Variants in KIAA1549L observed in about 807,000 individuals in gnomAD.
KIAA1549L encodes UPF0606 protein KIAA1549L.
A neutral mutation model predicts 160.7 loss-of-function variants in KIAA1549L; 88 were observed. The observed-to-expected ratio is 0.55, with a 90% CI of 0.46 to 0.65. The LOEUF is 0.65. Among genes scored for constraint, KIAA1549L ranks in the 30% least tolerant of loss-of-function variants. KIAA1549L has a pLI of 0.00. For missense variants in KIAA1549L, 2,258 were observed against 2,437.5 expected (o/e 0.93, Z 1.55); for synonymous variants, 950 against 976.7 (o/e 0.97, Z 0.51).
chr11:33,608,980 A>T (rs533196754), intron 14 of KIAA1549L, among the ~76,000 whole-genome samples: 1 of 152,268 alleles, frequency 6.6e-6, no homozygotes, highest in Non-Finnish European at 1.5e-5. Flanking sequence ...TTAAGAAAGC[A>T]TAATAAAAAC....
At chr11:33,658,627 T>G in intron 18 of KIAA1549L, 123 bp from the exon 19 acceptor site, 1 of 938,224 alleles carries the variant, frequency 1.1e-6, no homozygotes, top group Non-Finnish European at 1.6e-6. Context: ...AATCCAGTCC[T>G]GGGGACCTCA....
chr11:33,609,666 G>A (rs1850595255), intron 14 of KIAA1549L, 83 bp from the exon 15 acceptor site: 1 of 1,124,832 alleles, frequency 8.9e-7, no homozygotes, highest in South Asian at 1.4e-5. Flanking sequence ...GGCTTTTTTA[G>A]AAGTGATAAC....
intron 1 of KIAA1549L, among the ~76,000 whole-genome samples, chr11:33,382,900 G>A (rs1181721076): frequency 1.3e-5 from 2 of 152,070 alleles, no homozygotes; most frequent in Non-Finnish European, 2.9e-5. Flanking sequence ...GCATTTGGGG[G>A]TTCAGGGAGA....
intron 10 of KIAA1549L, among the ~76,000 whole-genome samples, chr11:33,580,723 G>C (rs1855612979): frequency 6.6e-6 from 1 of 152,176 alleles, no homozygotes; most frequent in Admixed American, 6.5e-5. Flanking sequence ...TCTGGGCACT[G>C]GAGATAGAGC....
intron 12 of KIAA1549L, among the ~76,000 whole-genome samples, chr11:33,594,153 A>G (rs534037048): frequency 2.0e-5 from 3 of 152,284 alleles, no homozygotes; most frequent in East Asian, 1.9e-4. Context: ...ATCAAGCAAC[A>G]AGACTGCATA....
At chr11:33,594,274 C>T (rs781462387) in intron 12 of KIAA1549L, among the ~76,000 whole-genome samples, 4 of 152,022 alleles carry the variant, frequency 2.6e-5, no homozygotes, top group Non-Finnish European at 5.9e-5. Flanking sequence ...TGCTCCATAA[C>T]AAAGCACTCC....
chr11:33,584,391 G>A (rs983755705), intron 11 of KIAA1549L, among the ~76,000 whole-genome samples: 19 of 152,088 alleles, frequency 1.2e-4, no homozygotes, highest in African/African-American at 3.4e-4. Flanking sequence ...GAAAACCCCC[G>A]TTCAGTGGCT....
chr11:33,440,917 T>G (rs1023501728), intron 1 of KIAA1549L, among the ~76,000 whole-genome samples: 7 of 146,680 alleles, frequency 4.8e-5, no homozygotes, highest in African/African-American at 1.8e-4. Flanking sequence ...AGTTCTTTTC[T>G]TTTTTTTTTA....
chr11:33,616,050 A>G (rs1209638462), intron 15 of KIAA1549L, among the ~76,000 whole-genome samples: 2 of 152,222 alleles, frequency 1.3e-5, no homozygotes, highest in South Asian at 4.1e-4. Context: ...GAGTGCCGTT[A>G]TTAGAGTTAG....
intron 8 of KIAA1549L, among the ~76,000 whole-genome samples, chr11:33,562,886 G>A (rs894548518): frequency 1.3e-5 from 2 of 151,684 alleles, no homozygotes; most frequent in African/African-American, 4.8e-5. Context: ...TCACCATGTT[G>A]GCCAGGCTGG....
intron 13 of KIAA1549L, among the ~76,000 whole-genome samples, chr11:33,600,868 A>G (rs1299809149): frequency 6.6e-6 from 1 of 152,106 alleles, no homozygotes; most frequent in Non-Finnish European, 1.5e-5. Flanking sequence ...TTGCAAAGTG[A>G]TGTCTTTTCC....
At chr11:33,612,424 A>AT (rs1358631439) in intron 15 of KIAA1549L, among the ~76,000 whole-genome samples, 2 of 152,150 alleles carry the variant, frequency 1.3e-5, no homozygotes, top group Admixed American at 6.5e-5. Flanking sequence ...GTCTCTTTTT[A>AT]TTTTTTTATT....
At chr11:33,579,295 G>A (rs1054927849) in intron 10 of KIAA1549L, among the ~76,000 whole-genome samples, 9 of 152,068 alleles carry the variant, frequency 5.9e-5, no homozygotes, top group East Asian at 1.9e-4. Flanking sequence ...GAATCTCTCC[G>A]TCGGTATTCC....
chr11:33,509,585 A>G (rs1448428302), intron 1 of KIAA1549L, among the ~76,000 whole-genome samples: 1 of 152,218 alleles, frequency 6.6e-6, no homozygotes, highest in Non-Finnish European at 1.5e-5. Context: ...AAATTTTCAT[A>G]GTGTTTATGC....
intron 1 of KIAA1549L, among the ~76,000 whole-genome samples, chr11:33,441,547 A>G (rs987601305): frequency 1.1e-4 from 17 of 151,850 alleles, no homozygotes; most frequent in Non-Finnish European, 2.4e-4. Context: ...CAGTGTAAAA[A>G]TGTTCCTGTT....
At chr11:33,567,195 C>T (rs981502659) in intron 8 of KIAA1549L, among the ~76,000 whole-genome samples, 6 of 152,148 alleles carry the variant, frequency 3.9e-5, no homozygotes, top group Non-Finnish European at 5.9e-5. Context: ...TGAAGCCTAG[C>T]GGTGGAAAAA....
chr11:33,431,329 A>C (rs1237510341), intron 1 of KIAA1549L, among the ~76,000 whole-genome samples: 1 of 152,046 alleles, frequency 6.6e-6, no homozygotes, highest in Middle Eastern at 3.2e-3. Flanking sequence ...TTATTCTCTT[A>C]TCTGGCCCCA....
Position 33,405,275 on chromosome 11 carries a change from C to A in KIAA1549L, c.238+28386C>A, listed in dbSNP as rs80136732. Among the ~76,000 whole-genome samples the A allele has an allele frequency of 7.9e-3, 1,206 of 151,996 alleles. 15 individuals are homozygous for A. Among genetic ancestry groups the A allele is most frequent in the African/African-American group, 0.027 (1,126 of 41,462 alleles). Reference sequence around the variant, plus strand: ...AGCATTGGTGTAAACAGAATAAATACCATAAATGCATTGCTGCCAAAGAAT... The same window carrying A: ...AGCATTGGTGTAAACAGAATAAATAACATAAATGCATTGCTGCCAAAGAAT... On this transcript the variant is annotated intron_variant, in intron 1 of 20. Coordinates refer to ENST00000658780, the MANE Select transcript of KIAA1549L (RefSeq NM_012194.3).
chr11:33,405,402 A>G (rs1410998143), intron 1 of KIAA1549L, among the ~76,000 whole-genome samples: 1 of 152,188 alleles, frequency 6.6e-6, no homozygotes, highest in African/African-American at 2.4e-5. Flanking sequence ...CAAAATTATT[A>G]AGCAGTGGTT....
Sources: allele counts gnomAD v4.1 joint callset (sites outside exome capture counted in the v4.1 genomes callset), GRCh38; gene constraint gnomAD v4.1.1; transcripts MANE v1.5; gene names NCBI Gene and HGNC (gene_info 2026-07-23, HGNC 2026-07-21).